Variants in DOCK5 observed in about 807,000 individuals in gnomAD.
DOCK5 encodes the protein dedicator of cytokinesis protein 5.
DOCK5 carries 142 observed loss-of-function variants against 251.8 expected under a neutral mutation model. The ratio of observed to expected loss-of-function variants is 0.56; its 90% CI spans 0.49 to 0.65. DOCK5 has a LOEUF of 0.65. DOCK5 is among the 30% of genes least tolerant of loss of function. The pLI, the probability that DOCK5 is intolerant of heterozygous loss-of-function variation, is 0.00. For synonymous variants in DOCK5, 842 were observed against 835.5 expected, an observed-to-expected ratio of 1.01 and a Z score of -0.13; for missense variants, 2,111 against 2,312.3, an observed-to-expected ratio of 0.91 and a Z score of 1.79.
intron 30 of DOCK5, among the ~76,000 whole-genome samples, chr8:25,365,450 A>C (rs893417801): frequency 6.6e-6 from 1 of 152,252 alleles, no homozygotes; most frequent in African/African-American, 2.4e-5. Flanking sequence ...CAAACAAAGC[A>C]ATGAAAGAAT....
intron 1 of DOCK5, among the ~76,000 whole-genome samples, chr8:25,189,014 G>C (rs1265544555): frequency 6.8e-6 from 1 of 148,090 alleles, no homozygotes; most frequent in Non-Finnish European, 1.5e-5. Flanking sequence ...TCTTTGCAAA[G>C]CTTTTTTTTC....
At chr8:25,405,505 A>G (rs549312638) in intron 48 of DOCK5, among the ~76,000 whole-genome samples, 1 of 151,542 alleles carries the variant, frequency 6.6e-6, no homozygotes, top group African/African-American at 2.4e-5. Context: ...TTTTTTTTCT[A>G]TTTCTTAGAT....
chr8:25,380,393 TG>T lies in DOCK5; in HGVS notation c.4026+1del. The T allele has an allele frequency of 1.2e-6, 2 of 1,605,898 alleles. No individual in the cohort carries two copies. Among genetic ancestry groups the T allele is most frequent in the Non-Finnish European group, 1.7e-6 (2 of 1,175,830 alleles). On this transcript the variant is annotated frameshift_variant and splice_region_variant, in exon 39 of 52. Coordinates refer to ENST00000276440, the MANE Select transcript of DOCK5 (RefSeq NM_024940.8). LOFTEE classifies it high-confidence loss of function. ...VFDYEGLGNL[L>X]KKRASFYENI... Reference sequence around the variant, plus strand: ...GACTACGAGGGCCTTGGCAACCTCCTGGTGAGTCTGGGTCAAAATATGTTAG... The same window carrying T: ...GACTACGAGGGCCTTGGCAACCTCCTGTGAGTCTGGGTCAAAATATGTTAG...
intron 1 of DOCK5, among the ~76,000 whole-genome samples, chr8:25,187,433 T>C (rs1801464039): frequency 1.3e-5 from 2 of 149,898 alleles, no homozygotes; most frequent in Middle Eastern, 3.4e-3. Context: ...GCCTAGGTGT[T>C]AGGGAAACTG....
intron 2 of DOCK5, among the ~76,000 whole-genome samples, chr8:25,247,278 T>C (rs1803141848): frequency 6.6e-6 from 1 of 152,186 alleles, no homozygotes; most frequent in African/African-American, 2.4e-5. Context: ...ATTGAAACAC[T>C]TTGTCCTGTT....
intron 45 of DOCK5, among the ~76,000 whole-genome samples, chr8:25,397,828 AATAC>A (rs533088266): frequency 1.1e-3 from 168 of 152,088 alleles, no homozygotes; most frequent in Non-Finnish European, 1.8e-3. Flanking sequence ...AGCTAGGATA[AATAC>A]ATACATACAT....
At chr8:25,324,596 G>A (rs1805512402) in intron 17 of DOCK5, among the ~76,000 whole-genome samples, 1 of 152,180 alleles carries the variant, frequency 6.6e-6, no homozygotes, top group Non-Finnish European at 1.5e-5. Context: ...CATTTTGGAA[G>A]GGATGGCAAG....
At position 25,292,190 on chromosome 8, in the gene DOCK5, G is replaced by A. The variant is rs376985869; in HGVS notation, c.470+18G>A. The stretch of plus-strand genomic sequence containing the variant: ...GGGAACAGGTAGGTAAACCAGGGAT[G>A]GCTTTTCACTGAAAACTTGGCGAAC... On this transcript the variant is annotated intron_variant, in intron 6 of 51. Transcript: ENST00000276440. The A allele has an allele frequency of 5.8e-4, 893 of 1,544,454 alleles. 6 individuals carry two copies. The South Asian group carries it at 9.4e-3, about 16-fold the overall frequency.
intron 11 of DOCK5, among the ~76,000 whole-genome samples, chr8:25,307,370 C>T (rs1168909070): frequency 2.0e-5 from 3 of 152,078 alleles, no homozygotes; most frequent in Non-Finnish European, 2.9e-5. Context: ...CCACCTGCCT[C>T]GGCCTCCCAA....
chr8:25,271,132 G>T (rs1803898624), intron 3 of DOCK5: 1 of 308,064 alleles, frequency 3.2e-6, no homozygotes, highest in Non-Finnish European at 5.9e-6. Context: ...AGATAGATAG[G>T]GTTCCCCCAG....
intron 40 of DOCK5, among the ~76,000 whole-genome samples, chr8:25,384,466 T>TATTTA (rs111515435): frequency 0.19 from 24,708 of 129,424 alleles, 2,479 homozygotes; most frequent in African/African-American, 0.26. Flanking sequence ...TTTATTTATT[T>TATTTA]TTTTTTTTTT....
At chr8:25,375,716 C>T (rs1800951871) in intron 37 of DOCK5, 1 of 984,616 alleles carries the variant, frequency 1.0e-6, no homozygotes, top group Non-Finnish European at 1.2e-6. Context: ...ATTGTCCGAA[C>T]ATATGAGTTA....
chr8:25,253,451 G>A (rs1803328785), intron 2 of DOCK5, among the ~76,000 whole-genome samples: 1 of 152,172 alleles, frequency 6.6e-6, no homozygotes, highest in Non-Finnish European at 1.5e-5. Context: ...CCTGCTCACA[G>A]CTGTCTTCAC....
At chr8:25,369,778 G>T in intron 34 of DOCK5, 137 bp downstream of exon 34, 1 of 655,954 alleles carries the variant, frequency 1.5e-6, no homozygotes, top group Non-Finnish European at 2.6e-6. Flanking sequence ...TCTTCAGTAT[G>T]GTTATGGGGT....
chr8:25,349,901 C>G (rs1662726218), intron 26 of DOCK5, among the ~76,000 whole-genome samples: 1 of 152,080 alleles, frequency 6.6e-6, no homozygotes, highest in Non-Finnish European at 1.5e-5. Context: ...ACTCGTACCC[C>G]CAAAACTATT....
intron 46 of DOCK5, 82 bp downstream of exon 46, chr8:25,400,076 C>G (rs1182985848): frequency 9.0e-7 from 1 of 1,108,618 alleles, no homozygotes; most frequent in African/African-American, 1.6e-5. Flanking sequence ...AGTCTACAAG[C>G]CCACTCAGGG....
intron 21 of DOCK5, among the ~76,000 whole-genome samples, chr8:25,334,447 G>C (rs1032624868): frequency 6.6e-6 from 1 of 152,178 alleles, no homozygotes; most frequent in South Asian, 2.1e-4. Flanking sequence ...TAGGCCAGGC[G>C]TGGTTGCTCA....
intron 1 of DOCK5, among the ~76,000 whole-genome samples, chr8:25,228,949 G>A (rs75616162): frequency 0.083 from 12,639 of 151,506 alleles, 1,414 homozygotes; most frequent in African/African-American, 0.26. Context: ...AAAATTTGTG[G>A]GCTGGGCACA....
At chr8:25,224,736 A>G (rs911139306) in intron 1 of DOCK5, among the ~76,000 whole-genome samples, 5 of 152,222 alleles carry the variant, frequency 3.3e-5, no homozygotes. Flanking sequence ...ACAGCCAGAA[A>G]GGCAACCCCC....
Sources: gnomAD v4.1 joint callset for allele counts (sites outside exome capture counted in the v4.1 genomes callset) on GRCh38, gnomAD v4.1.1 for gene constraint, MANE v1.5 for transcripts, NCBI Gene and HGNC (gene_info 2026-07-23, HGNC 2026-07-21) for gene names.